The following SALL3 variants were observed in gnomAD, a reference collection of about 807,000 sequenced individuals.
The protein encoded by SALL3 is sal-like protein 3.
SALL3 carries 25 observed loss-of-function variants against 66.2 expected under a neutral mutation model. The ratio of observed to expected loss-of-function variants is 0.38; its 90% CI spans 0.28 to 0.53. The LOEUF is 0.53. Among genes scored for constraint, SALL3 ranks in the 20% least tolerant of loss-of-function variants. The probability of loss-of-function intolerance (pLI) is 0.85; values close to 1 mark genes in which losing one functional copy is unlikely to be tolerated. For missense variants in SALL3, 2,194 were observed against 1,916.5 expected, an observed-to-expected ratio of 1.14 and a Z score of -2.70; for synonymous variants, 1,152 against 899.1, an observed-to-expected ratio of 1.28 and a Z score of -5.03.
chr18:78,982,400 G>C (rs1028275931), intron 1 of SALL3, among the ~76,000 whole-genome samples: 8 of 152,204 alleles, frequency 5.3e-5, no homozygotes, highest in Non-Finnish European at 1.2e-4. Context: ...GTCATGTTTT[G>C]CAAGAGGCCC....
At chr18:78,995,833 A>G (rs1377477511) in intron 2 of SALL3, among the ~76,000 whole-genome samples, 29 of 152,028 alleles carry the variant, frequency 1.9e-4, no homozygotes, top group Admixed American at 1.7e-3. Context: ...GTGCACACAC[A>G]CTGAGACTAC....
intron 1 of SALL3, among the ~76,000 whole-genome samples, chr18:78,986,246 G>A (rs909447553): frequency 2.0e-5 from 3 of 152,234 alleles, no homozygotes; most frequent in African/African-American, 7.2e-5. Context: ...TTAAGCAGAA[G>A]ACAGTTGGTG....
chr18:78,980,348 C>T lies in SALL3; in HGVS notation c.74C>T (p.Pro25Leu). ...DEELLPPDGA[P>L]EHAAPGEGAE... ...GAGCTGCTGCCGCCTGACGGGGCTC[C>T]CGAGCACGGTGAGGGCCGGGGCTGC... Residue 25 changes from proline to leucine, a missense_variant, in exon 1 of 3, where the codon CCC (proline) becomes CTC (leucine). By Grantham distance (98) the Pro-to-Leu change is moderately conservative. Coordinates refer to ENST00000537592, the MANE Select transcript of SALL3 (RefSeq NM_171999.4). 3 of 1,439,008 alleles carry T rather than the reference C, an allele frequency of 2.1e-6. No individual in the cohort carries two copies. The highest frequency in any genetic ancestry group is 2.8e-6 in the Non-Finnish European group (3 of 1,090,490). 89.1% of individuals were successfully genotyped at this position (1,439,008 alleles called of 1,614,324 possible). A position where few individuals can be genotyped will look rare whatever the true frequency, so the allele number is the denominator to read the frequency against.
Position 78,995,204 on chromosome 18 carries a change from C to T in SALL3, c.3213C>T (p.Ala1071=). The T allele has an allele frequency of 6.2e-7, 1 of 1,609,866 alleles. No individual in the cohort carries two copies. Among genetic ancestry groups the T allele is most frequent in the African/African-American group, 1.3e-5 (1 of 75,056 alleles). ...TGGAAGTGAACGGTCACGGCAAGGC[C>T]ATGGCGCTGGGCGAGGGTCCCCCGC... ...IKMEVNGHGK[A]MALGEGPPLP... is the part of the protein sequence containing the mutation. The change falls in exon 2 of 3, where the codon GCC becomes GCT. Residue 1071 remains alanine, a synonymous_variant. Coordinates refer to ENST00000537592, the MANE Select transcript of SALL3 (RefSeq NM_171999.4).
chr18:78,991,030 CAT>C (rs753465766), intron 1 of SALL3, among the ~76,000 whole-genome samples: 10 of 152,190 alleles, frequency 6.6e-5, no homozygotes, highest in East Asian at 1.9e-4. Flanking sequence ...AGTAATTAAA[CAT>C]GTGTAACCAA....
chr18:78,984,698 G>A (rs1436683825), intron 1 of SALL3, among the ~76,000 whole-genome samples: 1 of 152,002 alleles, frequency 6.6e-6, no homozygotes, highest in African/African-American at 2.4e-5. Flanking sequence ...GCAGCTAACT[G>A]ATTTCTAAGC....
intron 1 of SALL3, among the ~76,000 whole-genome samples, chr18:78,983,325 A>G (rs971742552): frequency 6.6e-6 from 1 of 152,220 alleles, no homozygotes; most frequent in Non-Finnish European, 1.5e-5. Context: ...ACTTCCAATG[A>G]CAGTTATATG....
chr18:78,980,196 C>G lies in SALL3; in HGVS notation c.-79C>G, dbSNP rs1429065736. 1 of 644,318 alleles carries G rather than the reference C, an allele frequency of 1.6e-6. No individual in the cohort carries two copies. The highest frequency in any genetic ancestry group is 1.4e-4 in the East Asian group (1 of 7,014). 39.9% of individuals were successfully genotyped at this position (644,318 alleles called of 1,614,324 possible). A position where few individuals can be genotyped will look rare whatever the true frequency, so the allele number is the denominator to read the frequency against. ...CCCCGCGCCCCGCGCCGCGCGCCCG[C>G]CAGGCCGCCCCGCGCCGTCCCCGCC... On this transcript the variant is annotated 5_prime_UTR_variant, in exon 1 of 3. Coordinates refer to ENST00000537592, the MANE Select transcript of SALL3 (RefSeq NM_171999.4).
At chr18:78,980,596 G>A (rs1186874574) in intron 1 of SALL3, among the ~76,000 whole-genome samples, 7 of 151,794 alleles carry the variant, frequency 4.6e-5, no homozygotes, top group Non-Finnish European at 1.0e-4. Context: ...TCGGAGTCGG[G>A]GAGCTGCCCG....
chr18:78,991,387 G>GC (rs1491467801), intron 1 of SALL3, among the ~76,000 whole-genome samples: 6 of 117,118 alleles, frequency 5.1e-5, no homozygotes, highest in Admixed American at 3.0e-4. Flanking sequence ...CAAGGGTGGG[G>GC]GGGGGGGAAC....
At chr18:78,985,441 T>C (rs1914214461) in intron 1 of SALL3, among the ~76,000 whole-genome samples, 1 of 152,186 alleles carries the variant, frequency 6.6e-6, no homozygotes, top group Non-Finnish European at 1.5e-5. Flanking sequence ...ACTGGTCTTT[T>C]CGAGAGTGAC....
Position 78,979,845 on chromosome 18 carries a change from A to G in SALL3, c.-430A>G, listed in dbSNP as rs999230527. 5.6e-5 allele frequency among the ~76,000 whole-genome samples: 8 copies of G among 143,262 alleles called. No homozygotes were observed. Among genetic ancestry groups the G allele is most frequent in the Non-Finnish European group, 1.1e-4 (7 of 64,674 alleles). 94.0% of individuals were successfully genotyped at this position (143,262 alleles called of 152,430 possible). On this transcript the variant is annotated 5_prime_UTR_variant, in exon 1 of 3. Transcript: ENST00000537592. ...AGACGGCGCCGCGCGGACGCCGCCA[A>G]AGTTTGCTGCCTGCGCCCTGCGGAG...
rs778759883 is a variant in SALL3 at position 78,980,331 on chromosome 18, G to A, written c.57G>A (p.Leu19=). Residue 19 remains leucine (L), a synonymous_variant, in exon 1 of 3, where the codon CTG becomes CTA. Transcript: ENST00000537592. ...ACCTCAAGTCGGACGAGGAGCTGCT[G>A]CCGCCTGACGGGGCTCCCGAGCACG... is the stretch of plus-strand genomic sequence containing the variant. ...PQHLKSDEEL[L]PPDGAPEHAA... 6.8e-4 allele frequency: 980 copies of A among 1,441,838 alleles called. No homozygotes were observed. Among genetic ancestry groups the A allele is most frequent in the Non-Finnish European group, 8.4e-4 (921 of 1,092,112 alleles). The allele number at this position is 1,441,838 out of a possible 1,614,324, so 89.3% of individuals were successfully genotyped here.
intron 1 of SALL3, among the ~76,000 whole-genome samples, chr18:78,983,182 ATTAC>A (rs1042826623): frequency 4.6e-5 from 7 of 152,228 alleles, no homozygotes; most frequent in African/African-American, 1.7e-4. Context: ...GCTTTTTAAA[ATTAC>A]TTACTTGCAA....
chr18:78,983,257 G>A (rs1032683563), intron 1 of SALL3, among the ~76,000 whole-genome samples: 2 of 152,126 alleles, frequency 1.3e-5, no homozygotes, highest in Non-Finnish European at 2.9e-5. Flanking sequence ...TGAACTTTGC[G>A]CCACTAGTAA....
chr18:78,992,258 G>A lies in SALL3; in HGVS notation c.267G>A (p.Pro89=), dbSNP rs1914463446. Reference sequence around the variant, plus strand: ...TCGTGCACGAGGACGCGCCCGCGCCGCCCCCCGAGGACTTCCCCGAGCCTT... The same window carrying A: ...TCGTGCACGAGGACGCGCCCGCGCCACCCCCCGAGGACTTCCCCGAGCCTT... The part of the protein sequence containing the change: ...VLIVHEDAPA[P]PPEDFPEPSP... The change falls in exon 2 of 3, where the codon CCG becomes CCA. Residue 89 remains proline (P), a synonymous_variant. Coordinates refer to ENST00000537592, the MANE Select transcript of SALL3 (RefSeq NM_171999.4). 3 of 1,567,170 alleles carry A rather than the reference G, an allele frequency of 1.9e-6. No homozygotes were observed. Among genetic ancestry groups the A allele is most frequent in the Non-Finnish European group, 2.6e-6 (3 of 1,163,014 alleles).
At chr18:78,986,664 C>A (rs896408590) in intron 1 of SALL3, among the ~76,000 whole-genome samples, 3 of 152,136 alleles carry the variant, frequency 2.0e-5, no homozygotes, top group Non-Finnish European at 2.9e-5. Flanking sequence ...GGAAAAAGTC[C>A]GTCTTCCTTT....
At chr18:78,980,402 G>A (rs1913988520) in intron 1 of SALL3, 46 bp downstream of exon 1, 4 of 1,224,946 alleles carry the variant, frequency 3.3e-6, no homozygotes, top group Non-Finnish European at 4.2e-6. Flanking sequence ...GGGGCTGCCC[G>A]TCCGGGCTGG....
In SALL3 at chr18:78,992,481, A is replaced by G; in HGVS notation, c.490A>G (p.Thr164Ala). 1 of 1,461,812 alleles carries G rather than the reference A, an allele frequency of 6.8e-7. No individual in the cohort carries two copies. The allele number at this position is 1,461,812 out of a possible 1,614,324, so 90.6% of individuals were successfully genotyped here. The stretch of plus-strand genomic sequence containing the variant: ...AACGCCCGCCTACGGCGCGCCCAGC[A>G]CCAACGTGACCCTGGAGGCGCTGCT... ...PPTPAYGAPS[T>A]NVTLEALLST... The change falls in exon 2 of 3, where the codon ACC becomes GCC. Residue 164 changes from threonine (T) to alanine (A), a missense_variant. Physicochemically the swap from Thr to Ala is moderately conservative, Grantham distance 58. Transcript: ENST00000537592.
Sources: gnomAD v4.1 joint callset for allele counts (sites outside exome capture counted in the v4.1 genomes callset) on GRCh38, gnomAD v4.1.1 for gene constraint, MANE v1.5 for transcripts, NCBI Gene and HGNC (gene_info 2026-07-23, HGNC 2026-07-21) for gene names.